The following GSE1 variants were observed in gnomAD, a reference collection of about 807,000 sequenced individuals.
GSE1 encodes the protein Gse1 coiled-coil protein.
Under a neutral mutation model 112.6 loss-of-function variants are expected in GSE1, and 32 were observed. The observed-to-expected ratio is 0.28, with a 90% CI of 0.21 to 0.38. GSE1 has a LOEUF of 0.38. Among genes scored for constraint, GSE1 ranks in the 10% least tolerant of loss-of-function variants. GSE1 has a pLI of 1.00. For missense variants in GSE1, 2,348 were observed against 1,699.2 expected (o/e 1.38, Z -6.71); for synonymous variants, 1,115 against 735.6 (o/e 1.52, Z -8.35).
At chr16:85,500,496 C>G (rs2051324064) in intron 2 of GSE1, among the ~76,000 whole-genome samples, 1 of 152,236 alleles carries the variant, frequency 6.6e-6, no homozygotes. Context: ...CATTTGTCCC[C>G]CAGCCCCTGG....
At chr16:85,401,960 G>A (rs1232740848) in intron 2 of GSE1, among the ~76,000 whole-genome samples, 3 of 152,252 alleles carry the variant, frequency 2.0e-5, no homozygotes, top group Non-Finnish European at 4.4e-5. Context: ...GAGTCTGCAG[G>A]TGCAGCTCAG....
chr16:85,469,709 C>A (rs1013156223), intron 2 of GSE1, among the ~76,000 whole-genome samples: 11 of 152,162 alleles, frequency 7.2e-5, no homozygotes, highest in African/African-American at 1.7e-4. Context: ...AGTCACTTTC[C>A]CTCTCTTGTC....
chr16:85,515,489 C>A (rs1040514412), intron 2 of GSE1, among the ~76,000 whole-genome samples: 1 of 152,160 alleles, frequency 6.6e-6, no homozygotes, highest in Non-Finnish European at 1.5e-5. Context: ...AGCGGGTGGG[C>A]GGAGGGACGT....
intron 2 of GSE1, among the ~76,000 whole-genome samples, chr16:85,522,176 C>G (rs1278716874): frequency 3.3e-5 from 5 of 152,198 alleles, no homozygotes; most frequent in Admixed American, 2.6e-4. Context: ...GTGGGGCTCC[C>G]TCCTCTCCTC....
intron 2 of GSE1, among the ~76,000 whole-genome samples, chr16:85,510,217 T>C (rs992733739): frequency 2.0e-5 from 3 of 152,214 alleles, no homozygotes; most frequent in Admixed American, 2.0e-4. Flanking sequence ...CTTTTCATTA[T>C]ACTCTGGGGG....
chr16:85,486,725 G>A (rs1355556844), intron 2 of GSE1, among the ~76,000 whole-genome samples: 1 of 152,076 alleles, frequency 6.6e-6, no homozygotes, highest in African/African-American at 2.4e-5. Flanking sequence ...CCATGCCCGG[G>A]ACGGAGCGGG....
In GSE1 at chr16:85,379,047, C is replaced by G. The variant is rs142340794; in HGVS notation, c.2464+21404C>G. 2.2e-4 allele frequency among the ~76,000 whole-genome samples: 33 copies of G among 152,334 alleles called. No individual in the cohort carries two copies. The East Asian group carries it at 6.0e-3, about 28-fold the overall frequency. ...ATCGCCTGCACCATGCACAGAGCCA[C>G]ACACCTCTCCCACAGAGCCGCTATG... On this transcript the variant is annotated intron_variant, in intron 2 of 2. Transcript: ENST00000637419.
intron 2 of GSE1, among the ~76,000 whole-genome samples, chr16:85,538,716 C>T (rs996234725): frequency 2.0e-5 from 3 of 152,198 alleles, no homozygotes; most frequent in Non-Finnish European, 4.4e-5. Context: ...AGGTCACCCA[C>T]CAGACCAACC....
chr16:85,216,264 CATG>C (rs1339153628), intron 1 of GSE1, among the ~76,000 whole-genome samples: 2 of 152,130 alleles, frequency 1.3e-5, no homozygotes, highest in Admixed American at 6.5e-5. Flanking sequence ...ATTAGCCAGG[CATG>C]GTGGTGTGCA....
intron 2 of GSE1, among the ~76,000 whole-genome samples, chr16:85,515,626 C>T (rs1026802697): frequency 1.3e-5 from 2 of 150,278 alleles, no homozygotes; most frequent in African/African-American, 4.9e-5. Flanking sequence ...GGGGAGATCG[C>T]CTGAACAGGT....
At chr16:85,637,763 G>T (rs904927962) in intron 2 of GSE1, among the ~76,000 whole-genome samples, 1 of 150,978 alleles carries the variant, frequency 6.6e-6, no homozygotes, top group Non-Finnish European at 1.5e-5. Context: ...GGGAGACCGG[G>T]CCTCTGTGAA....
chr16:85,219,999 T>C (rs9937642), intron 1 of GSE1, among the ~76,000 whole-genome samples: 36,906 of 152,132 alleles, frequency 0.24, 4,581 homozygotes, highest in East Asian at 0.31. Flanking sequence ...TTCAGCTGCT[T>C]CAGGTGGGCG....
chr16:85,589,596 T>A (rs1349214731), intron 1 of GSE1, among the ~76,000 whole-genome samples: 1 of 152,222 alleles, frequency 6.6e-6, no homozygotes. Context: ...TGAGCATGTG[T>A]GACCCAGTGT....
In GSE1 at chr16:85,197,115, C is replaced by G. The variant is rs922858170; in HGVS notation, c.2283+25308C>G. Among the ~76,000 whole-genome samples, 5 of 152,280 alleles carry G rather than the reference C, an allele frequency of 3.3e-5. No homozygotes were observed. The South Asian group carries it at 1.0e-3, about 32-fold the overall frequency. On this transcript the variant is annotated intron_variant, in intron 1 of 2. Coordinates refer to the GSE1 transcript ENST00000637419. ...CCATTTATTGAGCACCTCCTGCATG[C>G]CAGGCACAGAGACAACAAGACCTGG...
At chr16:85,269,281 C>G (rs1253317534) in intron 1 of GSE1, among the ~76,000 whole-genome samples, 1 of 149,504 alleles carries the variant, frequency 6.7e-6, no homozygotes, top group African/African-American at 2.4e-5. Flanking sequence ...GAGCATCCCA[C>G]GTCCTTCCCC....
At position 85,672,554 on chromosome 16, in the gene GSE1, C is replaced by CTA; in HGVS notation, c.*16_*17dup. ...ATCCCAGGTGACGGTTTCCCTTGCA[C>CTA]TAGGCCGAACCTATAGTATAGAAAT... On this transcript the variant is annotated 3_prime_UTR_variant, in exon 16 of 16. Transcript: ENST00000253458. 1 of 1,569,960 alleles carries CTA rather than the reference C, an allele frequency of 6.4e-7. No homozygotes were observed. The highest frequency in any genetic ancestry group is 8.7e-7 in the Non-Finnish European group (1 of 1,146,604).
chr16:85,648,687 C>A lies in GSE1; in HGVS notation c.362C>A (p.Pro121His), dbSNP rs2051085882. The A allele has an allele frequency of 6.2e-7, 1 of 1,608,686 alleles. No homozygotes were observed. The highest frequency in any genetic ancestry group is 8.5e-7 in the Non-Finnish European group (1 of 1,177,402). The change falls in exon 3 of 16, where the codon CCC becomes CAC. Residue 121 changes from proline to histidine, a missense_variant. Physicochemically the swap from Pro to His is moderately conservative, Grantham distance 77. Transcript: ENST00000253458. ...PPGGHSVPST[P>H]PVVTIAPTKT... ...GGGGGCCACAGCGTGCCCAGCACCCCCCCCGTGGTGACCATCGCTCCAACC... is the reference window on the plus strand; with the variant it reads ...GGGGGCCACAGCGTGCCCAGCACCCACCCCGTGGTGACCATCGCTCCAACC...
intron 1 of GSE1, among the ~76,000 whole-genome samples, chr16:85,305,046 A>G (rs1407411539): frequency 6.6e-6 from 1 of 152,098 alleles, no homozygotes; most frequent in African/African-American, 2.4e-5. Flanking sequence ...TCAACTCCTT[A>G]TGAGAGGCCC....
intron 1 of GSE1, among the ~76,000 whole-genome samples, chr16:85,336,840 C>G (rs1317323298): frequency 1.3e-5 from 2 of 152,192 alleles, no homozygotes; most frequent in Admixed American, 1.3e-4. Context: ...TATGTCATGC[C>G]AAAATACATG....
Sources: allele counts gnomAD v4.1 joint callset (sites outside exome capture counted in the v4.1 genomes callset), GRCh38; gene constraint gnomAD v4.1.1; transcripts MANE v1.5; gene names NCBI Gene and HGNC (gene_info 2026-07-23, HGNC 2026-07-21).